LHFPL3: variants seen among roughly 807,000 people sequenced by gnomAD.
LHFPL3 encodes the protein LHFPL tetraspan subfamily member 3.
Under a neutral mutation model 19.3 loss-of-function variants are expected in LHFPL3, and 5 were observed. The ratio of observed to expected loss-of-function variants is 0.26; its 90% CI spans 0.14 to 0.54. The LOEUF is 0.54. Among genes scored for constraint, LHFPL3 ranks in the 20% least tolerant of loss-of-function variants. The pLI is 0.94. For missense variants in LHFPL3, 249 were observed against 307.4 expected, an observed-to-expected ratio of 0.81 and a Z score of 1.42; for synonymous variants, 133 against 126.2, an observed-to-expected ratio of 1.05 and a Z score of -0.36.
intron 2 of LHFPL3, among the ~76,000 whole-genome samples, chr7:104,794,376 C>G (rs1790077583): frequency 1.3e-5 from 2 of 152,048 alleles, no homozygotes; most frequent in Admixed American, 6.6e-5. Flanking sequence ...ACAGGCCTTC[C>G]CAGAAAAGGC....
At chr7:104,609,373 T>C (rs1791170264) in intron 1 of LHFPL3, among the ~76,000 whole-genome samples, 1 of 152,228 alleles carries the variant, frequency 6.6e-6, no homozygotes, top group South Asian at 2.1e-4. Context: ...TGTAAGCAAC[T>C]ACCCATCTCC....
intron 1 of LHFPL3, among the ~76,000 whole-genome samples, chr7:104,410,428 C>A (rs552051336): frequency 1.3e-5 from 2 of 152,362 alleles, no homozygotes; most frequent in Admixed American, 1.3e-4. Context: ...CCGCTGCACC[C>A]GGCCTGTATG....
intron 1 of LHFPL3, among the ~76,000 whole-genome samples, chr7:104,478,174 CT>C (rs533836486): frequency 2.0e-4 from 30 of 151,952 alleles, no homozygotes; most frequent in East Asian, 7.7e-4. Flanking sequence ...TCAAAAAAGA[CT>C]TTTTTTTATT....
chr7:104,492,040 G>A (rs896684954), intron 1 of LHFPL3, among the ~76,000 whole-genome samples: 2 of 152,154 alleles, frequency 1.3e-5, no homozygotes, highest in African/African-American at 4.8e-5. Context: ...GGTTTGTGTG[G>A]AGATCATTAA....
rs574728536 is a variant in LHFPL3 at position 104,583,695 on chromosome 7, A to T, written c.446-152980A>T. ...AAGAAGACATTTATACAGCCAAAAAACACATGAAAAAATGCTCATCATCAC... is the reference window on the plus strand; with the variant it reads ...AAGAAGACATTTATACAGCCAAAAATCACATGAAAAAATGCTCATCATCAC... On this transcript the variant is annotated intron_variant, in intron 1 of 2. Coordinates refer to ENST00000424859, the MANE Select transcript of LHFPL3 (RefSeq NM_199000.3). Among the ~76,000 whole-genome samples, 107 of 152,320 alleles carry T rather than the reference A, an allele frequency of 7.0e-4. 3 individuals carry two copies. The East Asian group carries it at 0.02, about 29-fold the overall frequency.
chr7:104,618,884 T>C (rs1791394499), intron 1 of LHFPL3, among the ~76,000 whole-genome samples: 1 of 152,170 alleles, frequency 6.6e-6, no homozygotes, highest in Non-Finnish European at 1.5e-5. Context: ...TTTAATCAAG[T>C]TAATGATGTG....
At chr7:104,764,741 G>A (rs1297893245) in intron 2 of LHFPL3, among the ~76,000 whole-genome samples, 12 of 152,088 alleles carry the variant, frequency 7.9e-5, no homozygotes, top group African/African-American at 2.2e-4. Context: ...TGCTCATTTC[G>A]CTAGGCCATG....
chr7:104,803,992 A>C (rs899672471), intron 2 of LHFPL3: 5 of 152,252 alleles, frequency 3.3e-5, no homozygotes, highest in African/African-American at 1.2e-4. Context: ...AACAAATAGC[A>C]TCAAGACTCA....
intron 1 of LHFPL3, among the ~76,000 whole-genome samples, chr7:104,713,876 A>G (rs1323942329): frequency 6.6e-6 from 1 of 152,168 alleles, no homozygotes. Context: ...AACAATACCA[A>G]GGCAGAAAGC....
At chr7:104,475,096 C>T (rs538813633) in intron 1 of LHFPL3, among the ~76,000 whole-genome samples, 14 of 152,322 alleles carry the variant, frequency 9.2e-5, no homozygotes, top group African/African-American at 3.4e-4. Flanking sequence ...TTCTGGGAAT[C>T]CTTCCTCATA....
At chr7:104,452,021 C>CA (rs776334214) in intron 1 of LHFPL3, among the ~76,000 whole-genome samples, 113 of 152,260 alleles carry the variant, frequency 7.4e-4, no homozygotes, top group African/African-American at 2.6e-3. Context: ...GCTGAAATGA[C>CA]AGGGGTGGGC....
intron 1 of LHFPL3, among the ~76,000 whole-genome samples, chr7:104,512,328 A>G (rs187638697): frequency 1.7e-4 from 26 of 152,044 alleles, no homozygotes; most frequent in African/African-American, 5.8e-4. Context: ...TTTATCAGAT[A>G]TTTTTTTGTG....
intron 1 of LHFPL3, among the ~76,000 whole-genome samples, chr7:104,628,313 G>A (rs1054548740): frequency 6.6e-6 from 1 of 152,052 alleles, no homozygotes; most frequent in Admixed American, 6.6e-5. Context: ...TACTACCCTA[G>A]GCTAAGCTTT....
rs1343635557 is a variant in LHFPL3 at position 104,800,212 on chromosome 7, A to C, written c.682+63301A>C. 3 of 152,194 alleles carry C rather than the reference A, an allele frequency of 2.0e-5. No individual in the cohort carries two copies. In the South Asian group the frequency reaches 6.2e-4, roughly 32 times the overall value. 9.4% of individuals were successfully genotyped at this position (152,194 alleles called of 1,614,324 possible). ...ATTCAGTTTACATCTCAGCTTGCCTAATATATTTCTCTCTTATTTGAACGG... is the reference window on the plus strand; with the variant it reads ...ATTCAGTTTACATCTCAGCTTGCCTCATATATTTCTCTCTTATTTGAACGG... On this transcript the variant is annotated intron_variant, in intron 2 of 2. Transcript: ENST00000424859.
At chr7:104,329,398 TCCCCAG>T (rs912265388) in intron 1 of LHFPL3, among the ~76,000 whole-genome samples, 174 bp downstream of exon 1, 18 of 152,144 alleles carry the variant, frequency 1.2e-4, no homozygotes, top group African/African-American at 4.3e-4. Flanking sequence ...CCCCCGGGGT[TCCCCAG>T]CCCCGGCGCT....
chr7:104,382,022 C>A (rs531683458), intron 1 of LHFPL3, among the ~76,000 whole-genome samples: 4 of 152,128 alleles, frequency 2.6e-5, no homozygotes, highest in African/African-American at 9.7e-5. Context: ...CTCTGTGTGC[C>A]CTTAACACTC....
intron 2 of LHFPL3, among the ~76,000 whole-genome samples, chr7:104,821,525 C>G (rs1414691835): frequency 3.3e-5 from 5 of 152,200 alleles, no homozygotes; most frequent in African/African-American, 1.2e-4. Context: ...TACTGCTTCT[C>G]AGAGAGAGCC....
chr7:104,769,599 C>T (rs1794515513), intron 2 of LHFPL3, among the ~76,000 whole-genome samples: 1 of 151,044 alleles, frequency 6.6e-6, no homozygotes, highest in Non-Finnish European at 1.5e-5. Context: ...CTAATGCTGT[C>T]CCTCTTTTAG....
intron 1 of LHFPL3, among the ~76,000 whole-genome samples, chr7:104,579,026 G>A (rs1790402357): frequency 6.6e-6 from 1 of 152,096 alleles, no homozygotes; most frequent in Non-Finnish European, 1.5e-5. Flanking sequence ...GAGCCCTAAT[G>A]GATCTTAGCT....
Sources: allele counts gnomAD v4.1 joint callset (sites outside exome capture counted in the v4.1 genomes callset), GRCh38; gene constraint gnomAD v4.1.1; transcripts MANE v1.5; gene names NCBI Gene and HGNC (gene_info 2026-07-23, HGNC 2026-07-21).